ZHX2: variants seen among roughly 807,000 people sequenced by gnomAD.
ZHX2 encodes zinc fingers and homeoboxes protein 2.
Under a neutral mutation model 21.9 loss-of-function variants are expected in ZHX2, and 6 were observed. That is an observed-to-expected ratio of 0.27 (90% CI 0.15 to 0.54). The LOEUF (loss-of-function observed/expected upper bound fraction) is 0.54. Among genes scored for constraint, ZHX2 ranks in the 20% least tolerant of loss-of-function variants. ZHX2 has a pLI of 0.95. For missense variants in ZHX2, 908 were observed against 1,090.7 expected, an observed-to-expected ratio of 0.83 and a Z score of 2.36; for synonymous variants, 434 against 437.1, an observed-to-expected ratio of 0.99 and a Z score of 0.09.
intron 2 of ZHX2, among the ~76,000 whole-genome samples, chr8:122,880,891 C>T (rs1819699111): frequency 6.6e-6 from 1 of 152,082 alleles, no homozygotes; most frequent in South Asian, 2.1e-4. Context: ...AGATGCTGCC[C>T]AATCGCCCGA....
chr8:122,822,927 A>G (rs556785100), intron 1 of ZHX2, among the ~76,000 whole-genome samples: 2 of 152,366 alleles, frequency 1.3e-5, no homozygotes, highest in Admixed American at 6.5e-5. Flanking sequence ...ACTTGAATAC[A>G]TAATGTACCT....
chr8:122,796,958 AT>A (rs1817624369), intron 1 of ZHX2, among the ~76,000 whole-genome samples: 2 of 152,188 alleles, frequency 1.3e-5, no homozygotes, highest in Non-Finnish European at 2.9e-5. Flanking sequence ...GTGTCCTCCC[AT>A]CAGGCAGATG....
At chr8:122,918,522 G>A (rs996871227) in intron 2 of ZHX2, among the ~76,000 whole-genome samples, 2 of 152,164 alleles carry the variant, frequency 1.3e-5, no homozygotes, top group Admixed American at 1.3e-4. Context: ...CGTCTTTGGA[G>A]GAGACCATGG....
At chr8:122,971,638 T>A (rs1303650172) in intron 3 of ZHX2, among the ~76,000 whole-genome samples, 1 of 92,476 alleles carries the variant, frequency 1.1e-5, no homozygotes, top group East Asian at 3.6e-4. Flanking sequence ...AAAAATTCCT[T>A]CTCAGGGCTT....
intron 1 of ZHX2, among the ~76,000 whole-genome samples, chr8:122,843,961 A>G (rs548676890): frequency 3.9e-5 from 1 of 25,508 alleles, no homozygotes; most frequent in African/African-American, 3.0e-4. Context: ...CTCACCCTTC[A>G]CACACACACA....
chr8:122,812,558 C>T (rs1348329576), intron 1 of ZHX2, among the ~76,000 whole-genome samples: 1 of 152,190 alleles, frequency 6.6e-6, no homozygotes, highest in East Asian at 1.9e-4. Flanking sequence ...GTCTCTGCTC[C>T]AGAAATGAAC....
chr8:122,921,725 G>A (rs1016323777), intron 2 of ZHX2, among the ~76,000 whole-genome samples: 5 of 152,062 alleles, frequency 3.3e-5, no homozygotes, highest in Non-Finnish European at 7.4e-5. Flanking sequence ...ACTATGTGAG[G>A]TGATAGATAT....
At chr8:122,789,826 T>A (rs1334666422) in intron 1 of ZHX2, among the ~76,000 whole-genome samples, 1 of 152,232 alleles carries the variant, frequency 6.6e-6, no homozygotes, top group African/African-American at 2.4e-5. Context: ...TAGAACTGCC[T>A]GTTACTTTCT....
At chr8:122,918,060 A>G (rs1038412645) in intron 2 of ZHX2, among the ~76,000 whole-genome samples, 1 of 152,196 alleles carries the variant, frequency 6.6e-6, no homozygotes, top group Admixed American at 6.5e-5. Flanking sequence ...GATTGTAGTA[A>G]TAAGACTAAT....
At chr8:122,833,875 T>TA (rs1195618438) in intron 1 of ZHX2, among the ~76,000 whole-genome samples, 1 of 151,930 alleles carries the variant, frequency 6.6e-6, no homozygotes, top group Non-Finnish European at 1.5e-5. Context: ...TGGGCGCCTG[T>TA]AGTCCCAGCT....
Position 122,800,995 on chromosome 8 carries a change from A to G in ZHX2, c.-283+19049A>G, listed in dbSNP as rs146384023. 3.1e-4 allele frequency among the ~76,000 whole-genome samples: 47 copies of G among 152,342 alleles called. 1 individual carries two copies. In the East Asian group the frequency reaches 8.5e-3, roughly 28 times the overall value. On this transcript the variant is annotated intron_variant, in intron 1 of 3. Transcript: ENST00000314393. ...TTGTTAGCCTTTTGCTTGACAGTGT[A>G]TAGGTGTTTGTGTATAACTTTAACA...
chr8:122,959,339 T>G (rs965730905), intron 3 of ZHX2, among the ~76,000 whole-genome samples: 2 of 152,194 alleles, frequency 1.3e-5, no homozygotes, highest in African/African-American at 4.8e-5. Flanking sequence ...AGAAGAGGTA[T>G]GCCCTCACAC....
chr8:122,902,744 T>C (rs1820261049), intron 2 of ZHX2, among the ~76,000 whole-genome samples: 1 of 152,226 alleles, frequency 6.6e-6, no homozygotes, highest in African/African-American at 2.4e-5. Flanking sequence ...CCTAGCCCAG[T>C]CTGATACATA....
intron 2 of ZHX2, among the ~76,000 whole-genome samples, chr8:122,945,106 G>A (rs1003123634): frequency 6.6e-6 from 1 of 152,124 alleles, no homozygotes; most frequent in Non-Finnish European, 1.5e-5. Context: ...AAAACTGTGA[G>A]AGAATAAATT....
intron 2 of ZHX2, among the ~76,000 whole-genome samples, chr8:122,872,182 C>T (rs958165524): frequency 6.6e-6 from 1 of 152,188 alleles, no homozygotes; most frequent in Non-Finnish European, 1.5e-5. Context: ...TATGGGGTGA[C>T]TGAACTCACT....
chr8:122,795,108 G>C (rs1468169918), intron 1 of ZHX2, among the ~76,000 whole-genome samples: 1 of 152,232 alleles, frequency 6.6e-6, no homozygotes, highest in Non-Finnish European at 1.5e-5. Flanking sequence ...TCTGTGGAAT[G>C]ACTGGATGGT....
rs140959112 is a variant in ZHX2 at position 122,839,265 on chromosome 8, T to A, written c.-282-24212T>A. Among the ~76,000 whole-genome samples the A allele has an allele frequency of 2.7e-3, 406 of 152,316 alleles. 3 individuals carry two copies. The highest frequency in any genetic ancestry group is 9.5e-3 in the African/African-American group (393 of 41,564). ...AGAACAGAGCAGGTTGCACAAGCAA[T>A]GGACAAAATCTGAACATTTCCAACT... On this transcript the variant is annotated intron_variant, in intron 1 of 3. Coordinates refer to ENST00000314393, the MANE Select transcript of ZHX2 (RefSeq NM_014943.5).
chr8:122,894,324 T>C (rs1384002114), intron 2 of ZHX2, among the ~76,000 whole-genome samples: 1 of 152,246 alleles, frequency 6.6e-6, no homozygotes, highest in Non-Finnish European at 1.5e-5. Flanking sequence ...CAGGTCACTC[T>C]GTATGAAACC....
intron 2 of ZHX2, among the ~76,000 whole-genome samples, chr8:122,949,303 A>G (rs868103079): frequency 4.6e-5 from 7 of 152,224 alleles, no homozygotes; most frequent in Non-Finnish European, 7.3e-5. Flanking sequence ...AGCCTGGGCC[A>G]CAAGAGCAAA....
Sources: gnomAD v4.1 joint callset for allele counts (sites outside exome capture counted in the v4.1 genomes callset) on GRCh38, gnomAD v4.1.1 for gene constraint, MANE v1.5 for transcripts, NCBI Gene and HGNC (gene_info 2026-07-23, HGNC 2026-07-21) for gene names.